CALB2: variants seen among roughly 807,000 people sequenced by gnomAD.
CALB2 encodes calretinin.
A neutral mutation model predicts 45.9 loss-of-function variants in CALB2; 34 were observed. The ratio of observed to expected loss-of-function variants is 0.74; its 90% CI spans 0.56 to 0.99. CALB2 has a LOEUF of 0.99. Among genes scored for constraint, CALB2 ranks in the 50% least tolerant of loss-of-function variants. CALB2 has a pLI of 0.00. For synonymous variants in CALB2, 142 were observed against 129.6 expected, an observed-to-expected ratio of 1.10 and a Z score of -0.65; for missense variants, 344 against 339.3, an observed-to-expected ratio of 1.01 and a Z score of -0.11.
At chr16:71,372,820 C>T (rs1181966337) in intron 2 of CALB2, among the ~76,000 whole-genome samples, 2 of 152,324 alleles carry the variant, frequency 1.3e-5, no homozygotes, top group East Asian at 1.9e-4. Context: ...GGGGCAGAAT[C>T]GTCCTCAGAA....
intron 1 of CALB2, among the ~76,000 whole-genome samples, chr16:71,368,535 T>A (rs529139948): frequency 1.3e-4 from 19 of 149,648 alleles, no homozygotes; most frequent in African/African-American, 4.9e-4. Flanking sequence ...AATAAAAAAA[T>A]TCCTCAAATG....
At chr16:71,376,731 ACATT>A (rs2042420228) in intron 3 of CALB2, among the ~76,000 whole-genome samples, 2 of 152,084 alleles carry the variant, frequency 1.3e-5, no homozygotes, top group African/African-American at 2.4e-5. Flanking sequence ...ACATACATCC[ACATT>A]CAACCACACA....
intron 1 of CALB2, among the ~76,000 whole-genome samples, chr16:71,362,516 C>T (rs1054358710): frequency 5.3e-5 from 8 of 152,106 alleles, no homozygotes; most frequent in African/African-American, 1.9e-4. Flanking sequence ...GAAATACTAA[C>T]AATTTCAGTG....
chr16:71,370,456 C>A (rs1255305266), intron 1 of CALB2, among the ~76,000 whole-genome samples: 1 of 151,982 alleles, frequency 6.6e-6, no homozygotes, highest in Non-Finnish European at 1.5e-5. Flanking sequence ...TCAAACTTTG[C>A]TGCACAGGAA....
At chr16:71,381,095 G>T (rs1288891910) in intron 4 of CALB2, among the ~76,000 whole-genome samples, 5 of 152,156 alleles carry the variant, frequency 3.3e-5, no homozygotes, top group Non-Finnish European at 7.4e-5. Context: ...AGGGACTGGG[G>T]TTCCTTCAGG....
At chr16:71,362,200 G>A (rs937651204) in intron 1 of CALB2, among the ~76,000 whole-genome samples, 9 of 152,228 alleles carry the variant, frequency 5.9e-5, no homozygotes, top group African/African-American at 2.2e-4. Flanking sequence ...GCTGAGGGAT[G>A]CCCAGTTCAG....
chr16:71,390,394 T>C lies in CALB2; in HGVS notation c.*529T>C, dbSNP rs1163121403. On this transcript the variant is annotated 3_prime_UTR_variant, in exon 11 of 11. Coordinates refer to ENST00000302628, the MANE Select transcript of CALB2 (RefSeq NM_001740.5). ...GTTTCTTGTTTACCAAAGAAGAGTT[T>C]ACAGACAATAAAATGGAAAGGTCCT... 6.5e-6 allele frequency: 1 copy of C among 153,004 alleles called. No homozygotes were observed. Among genetic ancestry groups the C allele is most frequent in the Non-Finnish European group, 1.5e-5 (1 of 68,660 alleles). The allele number at this position is 153,004 out of a possible 1,614,324, so 9.5% of individuals were successfully genotyped here.
rs115848963 is a variant in CALB2, at chr16:71,387,378, G to A, written c.699+1730G>A. Among the ~76,000 whole-genome samples the A allele has an allele frequency of 6.5e-3, 986 of 152,158 alleles. 12 individuals are homozygous for A. The highest frequency in any genetic ancestry group is 0.02 in the South Asian group (98 of 4,808). On this transcript the variant is annotated intron_variant, in intron 10 of 10. Transcript: ENST00000302628. Reference sequence around the variant, plus strand: ...ACCTGGACCAAGTTTCAGATTTGGCGCCTGAGGATTGAGAGAGTGAATGAG... The same window carrying A: ...ACCTGGACCAAGTTTCAGATTTGGCACCTGAGGATTGAGAGAGTGAATGAG...
chr16:71,360,808 G>A (rs1394715112), intron 1 of CALB2, among the ~76,000 whole-genome samples: 1 of 152,224 alleles, frequency 6.6e-6, no homozygotes, highest in Non-Finnish European at 1.5e-5. Flanking sequence ...TGAGGAAACA[G>A]ACACAGGGGT....
chr16:71,384,460 A>C, intron 8 of CALB2, 82 bp downstream of exon 8: 1 of 1,103,338 alleles, frequency 9.1e-7, no homozygotes, highest in Non-Finnish European at 1.4e-6. Context: ...AACGCACCAC[A>C]CACAACACAC....
intron 1 of CALB2, among the ~76,000 whole-genome samples, chr16:71,370,048 C>A (rs866967528): frequency 1.2e-4 from 18 of 152,312 alleles, no homozygotes; most frequent in African/African-American, 4.1e-4. Context: ...AGGAAGATAA[C>A]CACCCCATCC....
chr16:71,358,926 G>C (rs1225736561), intron 1 of CALB2, 40 bp downstream of exon 1: 2 of 1,561,668 alleles, frequency 1.3e-6, no homozygotes, highest in Admixed American at 3.5e-5. Context: ...TTGGCACCCA[G>C]GGGACCTGCG....
Position 71,384,325 on chromosome 16 carries a change from C to T in CALB2, c.534-14C>T, listed in dbSNP as rs1433729591. 2 of 1,612,578 alleles carry T rather than the reference C, an allele frequency of 1.2e-6. No homozygotes were observed. Among genetic ancestry groups the T allele is most frequent in the Non-Finnish European group, 1.7e-6 (2 of 1,178,858 alleles). On this transcript the variant is annotated splice_polypyrimidine_tract_variant and intron_variant, in intron 7 of 10. Coordinates refer to ENST00000302628, the MANE Select transcript of CALB2 (RefSeq NM_001740.5). ...TGCAGTCTCCTCATCTCTGCTCTAACATTTTCTCCCCAGACTCCTGCCTGT... is the reference window on the plus strand; with the variant it reads ...TGCAGTCTCCTCATCTCTGCTCTAATATTTTCTCCCCAGACTCCTGCCTGT...
intron 10 of CALB2, among the ~76,000 whole-genome samples, chr16:71,388,778 CGAAACCAGCCTGGCCAACATGGT>C (rs1466291253): frequency 1.3e-5 from 2 of 149,554 alleles, no homozygotes; most frequent in Admixed American, 1.3e-4. Context: ...GTCAGGAGTT[CGAAACCAGCCTGGCCAACATGGT>C]GAAACCCCCG....
intron 5 of CALB2, among the ~76,000 whole-genome samples, chr16:71,382,983 C>T (rs189281944): frequency 6.6e-6 from 1 of 152,292 alleles, no homozygotes; most frequent in Admixed American, 6.5e-5. Context: ...CGAAACCCAG[C>T]TCTTCTGCAC....
At chr16:71,359,977 A>G (rs925466933) in intron 1 of CALB2, among the ~76,000 whole-genome samples, 1 of 152,252 alleles carries the variant, frequency 6.6e-6, no homozygotes, top group Non-Finnish European at 1.5e-5. Context: ...TGTCTCCAGA[A>G]GACAAGTTCT....
Position 71,384,376 on chromosome 16 carries a change from C to G in CALB2, c.571C>G (p.Gln191Glu). ...CCAGGAAAACTTCCTGCTTAAATTT[C>G]AGGTAAAACTTTGCTTTCCTTCCTT... ...PVQENFLLKFQGMKLTSEEFN... is the reference protein window; with the variant it reads ...PVQENFLLKFEGMKLTSEEFN... Residue 191 changes from glutamine to glutamate, a missense_variant and splice_region_variant, in exon 8 of 11, where the codon CAG becomes GAG. By Grantham distance (29) the Gln-to-Glu change is conservative. Coordinates refer to ENST00000302628, the MANE Select transcript of CALB2 (RefSeq NM_001740.5). 6.2e-7 allele frequency: 1 copy of G among 1,607,040 alleles called. No individual in the cohort carries two copies. The highest frequency in any genetic ancestry group is 8.5e-7 in the Non-Finnish European group (1 of 1,177,644).
chr16:71,386,543 T>C (rs969159012), intron 10 of CALB2, among the ~76,000 whole-genome samples: 3 of 152,164 alleles, frequency 2.0e-5, no homozygotes, highest in Non-Finnish European at 4.4e-5. Context: ...CTCCTGGGAA[T>C]ACCCTGGGAG....
chr16:71,387,946 G>GA (rs1393673591), intron 10 of CALB2, among the ~76,000 whole-genome samples: 1 of 151,896 alleles, frequency 6.6e-6, no homozygotes, highest in Non-Finnish European at 1.5e-5. Context: ...GGCACAATGG[G>GA]AAAAAAAGAC....
Sources: gnomAD v4.1 joint callset for allele counts (sites outside exome capture counted in the v4.1 genomes callset) on GRCh38, gnomAD v4.1.1 for gene constraint, MANE v1.5 for transcripts, NCBI Gene and HGNC (gene_info 2026-07-23, HGNC 2026-07-21) for gene names.